The following NRG3 variants were observed in gnomAD, a reference collection of about 807,000 sequenced individuals.
NRG3 encodes the protein pro-neuregulin-3, membrane-bound isoform.
NRG3 carries 31 observed loss-of-function variants against 66.9 expected under a neutral mutation model. That is an observed-to-expected ratio of 0.46 (90% CI 0.35 to 0.63). The LOEUF (loss-of-function observed/expected upper bound fraction) is 0.63. NRG3 is among the 20% of genes least tolerant of loss of function. The pLI, the probability that NRG3 is intolerant of heterozygous loss-of-function variation, is 0.00. For synonymous variants in NRG3, 393 were observed against 359.4 expected (o/e 1.09, Z -1.06); for missense variants, 910 against 878.9 (o/e 1.04, Z -0.45).
At chr10:82,863,767 G>T (rs896750108) in intron 3 of NRG3, among the ~76,000 whole-genome samples, 3 of 152,032 alleles carry the variant, frequency 2.0e-5, no homozygotes, top group Non-Finnish European at 4.4e-5. Flanking sequence ...ATGGGTCCAT[G>T]GCCTCTTCAT....
At chr10:82,919,206 C>T in intron 4 of NRG3, among the ~76,000 whole-genome samples, 1 of 152,064 alleles carries the variant, frequency 6.6e-6, no homozygotes, top group African/African-American at 2.4e-5. Context: ...AGATGAGAAC[C>T]TACCACTGTC....
intron 2 of NRG3, among the ~76,000 whole-genome samples, chr10:82,654,947 T>C (rs1402273540): frequency 1.3e-5 from 2 of 152,056 alleles, no homozygotes; most frequent in African/African-American, 4.8e-5. Flanking sequence ...GTTTTAAAAA[T>C]TATAAACAAT....
intron 1 of NRG3, among the ~76,000 whole-genome samples, chr10:82,279,593 C>T (rs1164351164): frequency 6.6e-6 from 1 of 152,190 alleles, no homozygotes; most frequent in African/African-American, 2.4e-5. Context: ...AGTTGTTTTG[C>T]ATTAATGCAC....
At position 82,392,018 on chromosome 10, in the gene NRG3, A is replaced by C. The variant is rs1249644899; in HGVS notation, c.953+33150A>C. 2.6e-5 allele frequency among the ~76,000 whole-genome samples: 4 copies of C among 151,302 alleles called. No individual in the cohort carries two copies. In the East Asian group the frequency reaches 5.8e-4, roughly 22 times the overall value. The stretch of plus-strand genomic sequence containing the variant: ...CAAAAAAAAAAAAAAAAACAAAAAA[A>C]AAACCCACGAAACTAGGAAAAGCAT... On this transcript the variant is annotated intron_variant, in intron 2 of 8. Coordinates refer to ENST00000372141, the MANE Select transcript of NRG3 (RefSeq NM_001010848.4).
At chr10:82,692,026 C>T (rs958161954) in intron 2 of NRG3, among the ~76,000 whole-genome samples, 3 of 152,118 alleles carry the variant, frequency 2.0e-5, no homozygotes, top group Admixed American at 6.5e-5. Flanking sequence ...GTAATCCCAG[C>T]GCTTTGGGAG....
intron 1 of NRG3, among the ~76,000 whole-genome samples, chr10:82,048,872 AAGAG>A (rs2133104499): frequency 1.3e-5 from 2 of 151,976 alleles, no homozygotes; most frequent in East Asian, 3.9e-4. Flanking sequence ...TAAAGAAAAA[AAGAG>A]AGAAGAATCA....
chr10:82,509,133 C>T (rs1844938982), intron 2 of NRG3, among the ~76,000 whole-genome samples: 1 of 152,088 alleles, frequency 6.6e-6, no homozygotes, highest in Non-Finnish European at 1.5e-5. Flanking sequence ...AAACTCCCCT[C>T]CCTCCTCTGT....
intron 6 of NRG3, among the ~76,000 whole-genome samples, chr10:82,967,681 G>A (rs1341268306): frequency 6.6e-6 from 1 of 152,188 alleles, no homozygotes. Context: ...GTGAGATAAG[G>A]CTCTGGTAAA....
intron 1 of NRG3, among the ~76,000 whole-genome samples, chr10:82,236,371 C>T (rs963373561): frequency 6.6e-6 from 1 of 152,120 alleles, no homozygotes; most frequent in African/African-American, 2.4e-5. Context: ...TGAGGGAAAC[C>T]CTGCTTCTCA....
intron 3 of NRG3, among the ~76,000 whole-genome samples, chr10:82,839,894 A>G (rs898856758): frequency 6.6e-6 from 1 of 152,126 alleles, no homozygotes; most frequent in African/African-American, 2.4e-5. Context: ...ATCTATAGGT[A>G]TTAAATATCC....
chr10:81,936,750 AG>A (rs1474227505), intron 1 of NRG3, among the ~76,000 whole-genome samples: 2 of 152,162 alleles, frequency 1.3e-5, no homozygotes, highest in Non-Finnish European at 2.9e-5. Flanking sequence ...AATGGTGATT[AG>A]TGCTTTACCC....
chr10:82,801,163 A>G (rs1225983290), intron 3 of NRG3, among the ~76,000 whole-genome samples: 2 of 152,154 alleles, frequency 1.3e-5, no homozygotes, highest in Non-Finnish European at 2.9e-5. Flanking sequence ...CGCTAGAGAA[A>G]AGTTGCACTT....
At chr10:82,475,131 GAAA>G (rs764275721) in intron 2 of NRG3, among the ~76,000 whole-genome samples, 6 of 151,676 alleles carry the variant, frequency 4.0e-5, no homozygotes, top group Non-Finnish European at 7.4e-5. Context: ...ATAGAGAACA[GAAA>G]AAGAATAGAA....
At chr10:82,803,017 A>G (rs1054373557) in intron 3 of NRG3, among the ~76,000 whole-genome samples, 1 of 152,110 alleles carries the variant, frequency 6.6e-6, no homozygotes, top group Admixed American at 6.6e-5. Context: ...GTTTACTACA[A>G]TCCTCTGAAC....
intron 1 of NRG3, among the ~76,000 whole-genome samples, chr10:82,172,381 T>C (rs940801504): frequency 1.4e-4 from 22 of 152,232 alleles, no homozygotes; most frequent in South Asian, 4.1e-4. Context: ...CAAGAATATG[T>C]GGGTTACTGC....
chr10:81,992,936 T>A (rs2060797441), intron 1 of NRG3, among the ~76,000 whole-genome samples: 1 of 152,226 alleles, frequency 6.6e-6, no homozygotes, highest in Middle Eastern at 3.2e-3. Context: ...AGACTTGCAG[T>A]AATGAAACCT....
intron 2 of NRG3, among the ~76,000 whole-genome samples, chr10:82,405,550 G>C (rs1038662631): frequency 1.4e-5 from 2 of 145,352 alleles, no homozygotes; most frequent in Non-Finnish European, 3.0e-5. Context: ...TCCCCCTCCT[G>C]GGTTCAAGTG....
chr10:82,533,173 A>T (rs112490226), intron 2 of NRG3, among the ~76,000 whole-genome samples: 15 of 151,036 alleles, frequency 9.9e-5, no homozygotes, highest in African/African-American at 3.7e-4. Flanking sequence ...TTCTATTGAG[A>T]TGTAGGAATT....
chr10:82,381,337 ATAAC>A (rs1389026189), intron 2 of NRG3, among the ~76,000 whole-genome samples: 6 of 152,334 alleles, frequency 3.9e-5, no homozygotes, highest in African/African-American at 1.4e-4. Context: ...AGAGATAACA[ATAAC>A]TAACATCTAT....
Sources: gnomAD v4.1 joint callset for allele counts (sites outside exome capture counted in the v4.1 genomes callset) on GRCh38, gnomAD v4.1.1 for gene constraint, MANE v1.5 for transcripts, NCBI Gene and HGNC (gene_info 2026-07-23, HGNC 2026-07-21) for gene names.